The following IMMP2L variants were observed in gnomAD, a reference collection of about 807,000 sequenced individuals.
The protein encoded by IMMP2L is mitochondrial inner membrane protease subunit 2.
In IMMP2L, 18 loss-of-function variants were observed where a neutral mutation model predicts 19.3. The observed-to-expected ratio is 0.93, with a 90% CI of 0.64 to 1.38. The LOEUF is 1.38. Among genes scored for constraint, IMMP2L ranks in the 40% most tolerant of loss-of-function variants. The pLI is 0.00. For missense variants in IMMP2L, 233 were observed against 218.2 expected, an observed-to-expected ratio of 1.07 and a Z score of -0.43; for synonymous variants, 76 against 73.0, an observed-to-expected ratio of 1.04 and a Z score of -0.21.
chr7:111,378,016 T>C (rs1394325913), intron 3 of IMMP2L, among the ~76,000 whole-genome samples: 1 of 151,940 alleles, frequency 6.6e-6, no homozygotes, highest in African/African-American at 2.4e-5. Context: ...AAAAATCATG[T>C]TAAAATCCAA....
chr7:111,304,151 A>G (rs1822573000), intron 3 of IMMP2L, among the ~76,000 whole-genome samples: 2 of 152,254 alleles, frequency 1.3e-5, no homozygotes, highest in African/African-American at 2.4e-5. Flanking sequence ...TTTAATGGTC[A>G]AAGCTTGTGT....
intron 2 of IMMP2L, among the ~76,000 whole-genome samples, chr7:111,499,085 G>A (rs956539384): frequency 2.0e-5 from 3 of 152,174 alleles, no homozygotes; most frequent in African/African-American, 7.2e-5. Context: ...TATGCAATTA[G>A]CCAGCTTGTC....
intron 3 of IMMP2L, among the ~76,000 whole-genome samples, chr7:111,473,349 A>G (rs1020749848): frequency 1.3e-5 from 2 of 152,108 alleles, no homozygotes; most frequent in Admixed American, 6.6e-5. Flanking sequence ...CTGGACTCCT[A>G]TGTGGCAGCC....
chr7:111,090,760 G>A (rs1244058332), intron 3 of IMMP2L, among the ~76,000 whole-genome samples: 1 of 152,108 alleles, frequency 6.6e-6, no homozygotes, highest in Non-Finnish European at 1.5e-5. Context: ...GGAGTTGGAG[G>A]TTTGAGTCTC....
chr7:111,034,770 G>T (rs1164696119), intron 3 of IMMP2L, among the ~76,000 whole-genome samples: 1 of 152,096 alleles, frequency 6.6e-6, no homozygotes, highest in African/African-American at 2.4e-5. Flanking sequence ...AAACTTAAAT[G>T]TGATCCTCTC....
rs1051236640 is a variant in IMMP2L, at chr7:110,962,680, G to A, written c.305+820C>T. 5.4e-5 allele frequency: 53 copies of A among 987,656 alleles called. No homozygotes were observed. The Middle Eastern group carries it at 1.5e-3, about 28-fold the overall frequency. The allele number at this position is 987,656 out of a possible 1,614,324, so 61.2% of individuals were successfully genotyped here. On this transcript the variant is annotated intron_variant, in intron 4 of 5. Transcript: ENST00000405709. ...TCCCCTGGGATCCTCTGGCCATGCT[G>A]TGAGAACTGCTAGCCTAGAATCTGC...
At chr7:110,679,709 G>C (rs2130430663) in intron 5 of IMMP2L, among the ~76,000 whole-genome samples, 2 of 152,320 alleles carry the variant, frequency 1.3e-5, no homozygotes, top group Middle Eastern at 6.8e-3. Context: ...CTGGCTTCCA[G>C]CCTCTATCTA....
chr7:110,975,641 C>G lies in IMMP2L; in HGVS notation c.240-12076G>C, dbSNP rs554172277. The stretch of plus-strand genomic sequence containing the variant: ...CTAGATGTTTTAGTGCTAGAGACAG[C>G]TGAAGTAACATAATGACCTAGTGTC... On this transcript the variant is annotated intron_variant, in intron 3 of 5. Transcript: ENST00000405709. Among the ~76,000 whole-genome samples the G allele has an allele frequency of 7.9e-5, 12 of 152,228 alleles. No individual in the cohort carries two copies. In the South Asian group the frequency reaches 2.5e-3, roughly 32 times the overall value.
At chr7:110,732,707 G>A (rs187210345) in intron 5 of IMMP2L, among the ~76,000 whole-genome samples, 1 of 152,058 alleles carries the variant, frequency 6.6e-6, no homozygotes, top group Non-Finnish European at 1.5e-5. Context: ...TGCAGAACAA[G>A]CTACTACATA....
At chr7:110,792,153 G>T (rs1315876783) in intron 5 of IMMP2L, among the ~76,000 whole-genome samples, 1 of 151,814 alleles carries the variant, frequency 6.6e-6, no homozygotes, top group Non-Finnish European at 1.5e-5. Flanking sequence ...ATTGGGCACA[G>T]AGAGAGGCAG....
chr7:111,180,368 T>G (rs1331923567), intron 3 of IMMP2L, among the ~76,000 whole-genome samples: 4 of 152,004 alleles, frequency 2.6e-5, no homozygotes, highest in Middle Eastern at 6.8e-3. Flanking sequence ...TAAGGAGGCC[T>G]GAGGAGAGGA....
chr7:111,118,188 A>T (rs1476815451), intron 3 of IMMP2L, among the ~76,000 whole-genome samples: 2 of 152,054 alleles, frequency 1.3e-5, no homozygotes, highest in African/African-American at 4.8e-5. Flanking sequence ...ATAACTGAAA[A>T]CTTGGTGAGC....
chr7:111,455,210 C>A (rs1446229589), intron 3 of IMMP2L, among the ~76,000 whole-genome samples: 1 of 151,458 alleles, frequency 6.6e-6, no homozygotes, highest in Non-Finnish European at 1.5e-5. Flanking sequence ...TGGCTATTAA[C>A]CAGTTTTGCG....
chr7:111,257,744 T>C (rs1041312111), intron 3 of IMMP2L, among the ~76,000 whole-genome samples: 5 of 152,150 alleles, frequency 3.3e-5, no homozygotes, highest in Non-Finnish European at 7.3e-5. Flanking sequence ...TGGTACAAAA[T>C]ATACGGCCTA....
In IMMP2L at chr7:110,868,473, C is replaced by T. The variant is rs191158615; in HGVS notation, c.408+18120G>A. Among the ~76,000 whole-genome samples, 47 of 152,142 alleles carry T rather than the reference C, an allele frequency of 3.1e-4. 1 individual carries two copies. The East Asian group carries it at 7.8e-3, about 25-fold the overall frequency. ...TAATTGTGATCATCAAATCCAGGCC[C>T]AGAGGCTGGGGGGTTCAAATCATAG... On this transcript the variant is annotated intron_variant, in intron 5 of 5. Coordinates refer to ENST00000405709, the MANE Select transcript of IMMP2L (RefSeq NM_032549.4).
chr7:111,499,043 T>C (rs180895935), intron 2 of IMMP2L, among the ~76,000 whole-genome samples: 2 of 152,294 alleles, frequency 1.3e-5, no homozygotes, highest in Admixed American at 1.3e-4. Flanking sequence ...CATTTATTGG[T>C]TCATGATTCC....
At chr7:111,276,863 G>A (rs1819130208) in intron 3 of IMMP2L, among the ~76,000 whole-genome samples, 1 of 152,022 alleles carries the variant, frequency 6.6e-6, no homozygotes, top group African/African-American at 2.4e-5. Context: ...ATATACACTG[G>A]GGAAAATGCC....
At chr7:110,837,828 CG>C (rs1414768907) in intron 5 of IMMP2L, among the ~76,000 whole-genome samples, 2 of 152,036 alleles carry the variant, frequency 1.3e-5, no homozygotes, top group African/African-American at 4.8e-5. Context: ...CCTTCCTAAC[CG>C]GGAATCCCAG....
intron 5 of IMMP2L, among the ~76,000 whole-genome samples, chr7:110,680,376 T>A (rs1019422495): frequency 6.6e-6 from 1 of 152,144 alleles, no homozygotes; most frequent in Non-Finnish European, 1.5e-5. Context: ...ACTCTGCCTG[T>A]CTCCTCACCC....
Sources: gnomAD v4.1 joint callset for allele counts (sites outside exome capture counted in the v4.1 genomes callset) on GRCh38, gnomAD v4.1.1 for gene constraint, MANE v1.5 for transcripts, NCBI Gene and HGNC (gene_info 2026-07-23, HGNC 2026-07-21) for gene names.